USP32: variants seen among roughly 807,000 people sequenced by gnomAD.
The protein encoded by USP32 is ubiquitin carboxyl-terminal hydrolase 32.
In USP32, 59 loss-of-function variants were observed where a neutral mutation model predicts 204.8. That is an observed-to-expected ratio of 0.29 (90% CI 0.23 to 0.36). USP32 has a LOEUF of 0.36. USP32 is among the 10% of genes least tolerant of loss of function. The probability of loss-of-function intolerance (pLI) is 1.00; values close to 1 mark genes in which losing one functional copy is unlikely to be tolerated. For missense variants in USP32, 1,160 were observed against 1,946.4 expected, an observed-to-expected ratio of 0.60 and a Z score of 7.60; for synonymous variants, 517 against 678.4, an observed-to-expected ratio of 0.76 and a Z score of 3.70.
chr17:60,408,332 G>A (rs373301136), intron 1 of USP32, among the ~76,000 whole-genome samples: 1 of 152,038 alleles, frequency 6.6e-6, no homozygotes, highest in South Asian at 2.1e-4. Context: ...AACTTCTAGT[G>A]GTGAAAAATA....
intron 9 of USP32, among the ~76,000 whole-genome samples, chr17:60,264,462 C>T (rs967288208): frequency 6.6e-6 from 1 of 151,574 alleles, no homozygotes; most frequent in African/African-American, 2.4e-5. Flanking sequence ...CTGCAGTGAG[C>T]CAAGATCCCA....
intron 2 of USP32, among the ~76,000 whole-genome samples, chr17:60,307,639 A>G (rs1313387350): frequency 6.6e-6 from 1 of 152,134 alleles, no homozygotes; most frequent in Non-Finnish European, 1.5e-5. Flanking sequence ...ACAGCATGGT[A>G]CTGATACAGG....
At chr17:60,219,826 GA>G in intron 15 of USP32, 39 bp from the exon 16 acceptor site, 2 of 1,554,932 alleles carry the variant, frequency 1.3e-6, no homozygotes, top group Non-Finnish European at 1.7e-6. Flanking sequence ...ACTAAAAAAA[GA>G]AACAAAACTT....
At chr17:60,246,037 G>A (rs985705878) in intron 11 of USP32, among the ~76,000 whole-genome samples, 3 of 151,698 alleles carry the variant, frequency 2.0e-5, no homozygotes, top group Admixed American at 6.6e-5. Context: ...GGAATATTCC[G>A]AATCTTCTAG....
At chr17:60,333,192 A>T (rs1158334547) in intron 2 of USP32, among the ~76,000 whole-genome samples, 2 of 152,244 alleles carry the variant, frequency 1.3e-5, no homozygotes, top group Admixed American at 6.5e-5. Flanking sequence ...AGCTTTACTA[A>T]TAGCCTGACA....
intron 2 of USP32, among the ~76,000 whole-genome samples, chr17:60,312,597 C>T (rs967375313): frequency 1.3e-5 from 2 of 151,308 alleles, no homozygotes; most frequent in African/African-American, 2.5e-5. Flanking sequence ...CATGCCATCA[C>T]ACCTTGCTAA....
intron 11 of USP32, among the ~76,000 whole-genome samples, chr17:60,247,679 T>G (rs1296321798): frequency 1.5e-5 from 2 of 137,582 alleles, no homozygotes; most frequent in Non-Finnish European, 3.0e-5. Flanking sequence ...TTGTTTTGGT[T>G]TTTTTTTTGT....
chr17:60,270,445 G>A (rs892745443), intron 6 of USP32, among the ~76,000 whole-genome samples: 2 of 152,190 alleles, frequency 1.3e-5, no homozygotes, highest in Non-Finnish European at 2.9e-5. Flanking sequence ...AAAGGTGAGA[G>A]CTGGAAGCAG....
At chr17:60,271,668 A>G (rs2086727293) in intron 5 of USP32, among the ~76,000 whole-genome samples, 187 bp from the exon 6 acceptor site, 1 of 152,228 alleles carries the variant, frequency 6.6e-6, no homozygotes, top group Non-Finnish European at 1.5e-5. Flanking sequence ...AAACCAAAAT[A>G]AACAAAATGA....
intron 2 of USP32, among the ~76,000 whole-genome samples, chr17:60,334,136 C>T (rs975797188): frequency 3.3e-5 from 5 of 152,074 alleles, no homozygotes; most frequent in African/African-American, 1.2e-4. Context: ...CTTGAGTTTA[C>T]TGTAAAAAAG....
intron 1 of USP32, among the ~76,000 whole-genome samples, chr17:60,405,648 G>T (rs2089969786): frequency 6.6e-6 from 1 of 152,148 alleles, no homozygotes; most frequent in Non-Finnish European, 1.5e-5. Context: ...TATAGTCCCA[G>T]CTGCTCAAGA....
intron 1 of USP32, among the ~76,000 whole-genome samples, chr17:60,368,324 A>T (rs565913957): frequency 6.6e-6 from 1 of 152,352 alleles, no homozygotes; most frequent in African/African-American, 2.4e-5. Flanking sequence ...TGAAATACAC[A>T]TTAGATTGCT....
At chr17:60,249,351 A>G in intron 11 of USP32, 1 of 177,422 alleles carries the variant, frequency 5.6e-6, no homozygotes, top group Non-Finnish European at 1.2e-5. Context: ...GAGTTTGTGT[A>G]TAGCCTTGTA....
intron 1 of USP32, among the ~76,000 whole-genome samples, chr17:60,375,923 A>G (rs1369366011): frequency 6.6e-6 from 1 of 152,182 alleles, no homozygotes; most frequent in Non-Finnish European, 1.5e-5. Context: ...TTTAATTTCT[A>G]AACTAATTTG....
At chr17:60,275,435 C>T (rs2086816689) in intron 5 of USP32, among the ~76,000 whole-genome samples, 1 of 152,080 alleles carries the variant, frequency 6.6e-6, no homozygotes, top group African/African-American at 2.4e-5. Flanking sequence ...CCAGCCTAGA[C>T]AACAGAGCAA....
intron 32 of USP32, among the ~76,000 whole-genome samples, chr17:60,180,867 C>CTATTATTATTATTAT (rs35652936): frequency 1.1e-4 from 16 of 147,504 alleles, no homozygotes; most frequent in Non-Finnish European, 1.9e-4. Context: ...ATTGTAATTA[C>CTATTATTATTATTAT]TATTATTATT....
At chr17:60,349,412 T>C (rs567239427) in intron 1 of USP32, among the ~76,000 whole-genome samples, 1 of 148,776 alleles carries the variant, frequency 6.7e-6, no homozygotes, top group South Asian at 2.1e-4. Context: ...AAATCCCATC[T>C]CTACTAAAAA....
chr17:60,209,859 A>G (rs367564793), intron 21 of USP32, among the ~76,000 whole-genome samples: 47 of 152,320 alleles, frequency 3.1e-4, no homozygotes, highest in African/African-American at 1.0e-3. Flanking sequence ...GCGTTTGCTC[A>G]CATTGAAAGA....
intron 13 of USP32, among the ~76,000 whole-genome samples, chr17:60,224,503 C>T (rs8073075): frequency 1.3e-5 from 2 of 152,098 alleles, no homozygotes; most frequent in Non-Finnish European, 2.9e-5. Flanking sequence ...TAATAACACA[C>T]GCCAGGAGGA....
Sources: gnomAD v4.1 joint callset for allele counts (sites outside exome capture counted in the v4.1 genomes callset) on GRCh38, gnomAD v4.1.1 for gene constraint, MANE v1.5 for transcripts, NCBI Gene and HGNC (gene_info 2026-07-23, HGNC 2026-07-21) for gene names.